The following BCAR3 variants were observed in gnomAD, a reference collection of about 807,000 sequenced individuals.
BCAR3 encodes BCAR3 adaptor protein, NSP family member.
BCAR3 carries 37 observed loss-of-function variants against 80.1 expected under a neutral mutation model. That is an observed-to-expected ratio of 0.46 (90% CI 0.36 to 0.61). The LOEUF (loss-of-function observed/expected upper bound fraction) is 0.61, where lower values mean the gene tolerates loss of function less well. Ranked by LOEUF, BCAR3 falls within the 20% of genes least tolerant of loss-of-function variation. The pLI is 0.00. For missense variants in BCAR3, 978 were observed against 1,068.2 expected (o/e 0.92, Z 1.18); for synonymous variants, 389 against 418.9 (o/e 0.93, Z 0.87).
chr1:93,624,102 G>A lies in BCAR3; in HGVS notation c.357+18202C>T, dbSNP rs928486413. Among the ~76,000 whole-genome samples the A allele has an allele frequency of 4.6e-5, 7 of 152,174 alleles. 1 individual carries two copies. Among genetic ancestry groups the A allele is most frequent in the African/African-American group, 1.7e-4 (7 of 41,428 alleles). ...TGTACTGTGCCACTGGTGTAGGGGT[G>A]AGTTCTGCTCCCACACCCAGCACCT... On this transcript the variant is annotated intron_variant, in intron 3 of 11. Coordinates refer to ENST00000260502, the MANE Select transcript of BCAR3 (RefSeq NM_003567.4).
At chr1:93,753,543 TACACACACACAC>T (rs5776188) in intron 2 of BCAR3, 5,164 of 137,534 alleles carry the variant, frequency 0.038, 96 homozygotes, top group Non-Finnish European at 0.041. Flanking sequence ...TGCACGCGGG[TACACACACACAC>T]ACACACACAC....
intron 2 of BCAR3, among the ~76,000 whole-genome samples, chr1:93,713,992 G>T (rs562604553): frequency 1.3e-5 from 2 of 151,948 alleles, no homozygotes; most frequent in African/African-American, 4.8e-5. Flanking sequence ...AGATTCAACT[G>T]TTTTTTTTGA....
At chr1:93,689,289 C>A (rs1334816574) in intron 3 of BCAR3, among the ~76,000 whole-genome samples, 1 of 152,000 alleles carries the variant, frequency 6.6e-6, no homozygotes, top group African/African-American at 2.4e-5. Flanking sequence ...AGGTTCGAGA[C>A]CAGCCTGGCC....
chr1:93,690,383 A>G (rs1445852496), intron 3 of BCAR3, among the ~76,000 whole-genome samples: 3 of 152,160 alleles, frequency 2.0e-5, no homozygotes, highest in Non-Finnish European at 2.9e-5. Flanking sequence ...TGTTCTAAGA[A>G]CCCTACATAC....
intron 2 of BCAR3, among the ~76,000 whole-genome samples, chr1:93,658,752 A>G (rs993999645): frequency 1.3e-5 from 2 of 152,230 alleles, no homozygotes; most frequent in African/African-American, 4.8e-5. Flanking sequence ...GAAGGCTTAC[A>G]TGTCTTGGAT....
chr1:93,644,603 G>A (rs972686918), intron 2 of BCAR3, among the ~76,000 whole-genome samples: 10 of 152,204 alleles, frequency 6.6e-5, no homozygotes, highest in Non-Finnish European at 4.4e-5. Context: ...CTGTGTCACA[G>A]GCCACGGTCA....
chr1:93,575,165 C>T (rs1171800441), intron 8 of BCAR3, among the ~76,000 whole-genome samples: 2 of 152,104 alleles, frequency 1.3e-5, no homozygotes, highest in African/African-American at 4.8e-5. Flanking sequence ...CTGTAATAGC[C>T]AGTGCAGAAT....
At chr1:93,572,293 A>C (rs924945615) in intron 8 of BCAR3, among the ~76,000 whole-genome samples, 3 of 152,174 alleles carry the variant, frequency 2.0e-5, no homozygotes, top group African/African-American at 4.8e-5. Context: ...GGACAGAAAA[A>C]TGTGAGGACA....
At chr1:93,566,922 T>TGG (rs774500687) in intron 11 of BCAR3, among the ~76,000 whole-genome samples, 2 of 152,104 alleles carry the variant, frequency 1.3e-5, no homozygotes, top group Non-Finnish European at 2.9e-5. Flanking sequence ...GAGACAGGGT[T>TGG]TCATCATGTT....
intron 3 of BCAR3, among the ~76,000 whole-genome samples, chr1:93,691,952 T>C (rs1649207765): frequency 6.6e-6 from 1 of 152,158 alleles, no homozygotes; most frequent in Admixed American, 6.5e-5. Context: ...AAAGCTGGAC[T>C]TGGTTACACT....
At position 93,799,349 on chromosome 1, in the gene BCAR3, T is replaced by A. The variant is rs142972788; in HGVS notation, c.-63+46218A>T. Among the ~76,000 whole-genome samples the A allele has an allele frequency of 3.8e-3, 586 of 152,316 alleles. 4 individuals are homozygous for A. Among genetic ancestry groups the A allele is most frequent in the Non-Finnish European group, 6.9e-3 (468 of 68,014 alleles). On this transcript the variant is annotated intron_variant, in intron 2 of 13. Coordinates refer to the BCAR3 transcript ENST00000370244. ...CTTTATTTACTGAATAGTTATTTGT[T>A]CTTAGGATATCCAATGTATGGGGTC...
At position 93,810,192 on chromosome 1, in the gene BCAR3, C is replaced by CAAA. The variant is rs111305058; in HGVS notation, c.-63+35372_-63+35374dup. ...TGGGTGACAGAGCAAGACTCCATCT[C>CAAA]AAAAAAAAAAAAAAAAGAAATTGCT... is the stretch of plus-strand genomic sequence containing the variant. On this transcript the variant is annotated intron_variant, in intron 2 of 13. Transcript: ENST00000370244. Among the ~76,000 whole-genome samples the CAAA allele has an allele frequency of 2.3e-3, 229 of 98,864 alleles. 4 individuals are homozygous for CAAA. Among genetic ancestry groups the CAAA allele is most frequent in the African/African-American group, 7.4e-3 (214 of 28,978 alleles). 64.9% of individuals were successfully genotyped at this position (98,864 alleles called of 152,430 possible). A position where few individuals can be genotyped will look rare whatever the true frequency, so the allele number is the denominator to read the frequency against.
chr1:93,599,690 G>C (rs1327865638), intron 3 of BCAR3: 1 of 152,122 alleles, frequency 6.6e-6, no homozygotes, highest in African/African-American at 2.4e-5. Context: ...CCTTAGGGTC[G>C]GTGCCTGGTA....
chr1:93,771,148 C>T (rs895510198), intron 2 of BCAR3, among the ~76,000 whole-genome samples: 3 of 152,230 alleles, frequency 2.0e-5, no homozygotes, highest in African/African-American at 7.2e-5. Context: ...AGGTTAATTC[C>T]ATTATTATAT....
intron 2 of BCAR3, among the ~76,000 whole-genome samples, chr1:93,845,114 C>A (rs947878044): frequency 2.6e-5 from 4 of 151,966 alleles, no homozygotes; most frequent in African/African-American, 9.7e-5. Flanking sequence ...TTCCCAATTC[C>A]CCCTTTCCAG....
chr1:93,671,825 CA>C (rs1557648535), intron 2 of BCAR3, among the ~76,000 whole-genome samples: 4 of 151,110 alleles, frequency 2.6e-5, no homozygotes, highest in Admixed American at 2.6e-4. Context: ...GAATACTTAA[CA>C]AAAAAAGAAT....
intron 2 of BCAR3, among the ~76,000 whole-genome samples, chr1:93,662,246 C>T (rs1034205376): frequency 1.3e-5 from 2 of 152,176 alleles, no homozygotes; most frequent in Non-Finnish European, 2.9e-5. Context: ...CTGAAAATCA[C>T]GGGAGCTTCT....
In BCAR3 at chr1:93,662,579, A is replaced by C. The variant is rs1458592354; in HGVS notation, c.317+12035T>G. Among the ~76,000 whole-genome samples, 3 of 152,062 alleles carry C rather than the reference A, an allele frequency of 2.0e-5. No homozygotes were observed. The East Asian group carries it at 5.8e-4, about 29-fold the overall frequency. On this transcript the variant is annotated intron_variant, in intron 2 of 11. Transcript: ENST00000260502. ...ATTGTCTAGAAGATTTTTTTAACTG[A>C]TGAAAACAGGGGACACAGCCTCCAG...
intron 2 of BCAR3, among the ~76,000 whole-genome samples, chr1:93,726,875 G>C (rs919299402): frequency 6.6e-6 from 1 of 152,128 alleles, no homozygotes; most frequent in Non-Finnish European, 1.5e-5. Context: ...TTTATCAACA[G>C]CCTGTACTTC....
Sources: gnomAD v4.1 joint callset for allele counts (sites outside exome capture counted in the v4.1 genomes callset) on GRCh38, gnomAD v4.1.1 for gene constraint, MANE v1.5 for transcripts, NCBI Gene and HGNC (gene_info 2026-07-23, HGNC 2026-07-21) for gene names.